NAALADL2: variants seen among roughly 807,000 people sequenced by gnomAD.
NAALADL2 encodes inactive N-acetylated-alpha-linked acidic dipeptidase-like protein 2.
NAALADL2 carries 76 observed loss-of-function variants against 87.2 expected under a neutral mutation model. The ratio of observed to expected loss-of-function variants is 0.87; its 90% CI spans 0.72 to 1.05. NAALADL2 has a LOEUF of 1.05. Among genes scored for constraint, NAALADL2 ranks in the 50% least tolerant of loss-of-function variants. The probability of loss-of-function intolerance (pLI) is 0.00; values close to 1 mark genes in which losing one functional copy is unlikely to be tolerated. For synonymous variants in NAALADL2, 354 were observed against 331.0 expected (o/e 1.07, Z -0.75); for missense variants, 1,089 against 945.8 (o/e 1.15, Z -1.99).
intron 1 of NAALADL2, among the ~76,000 whole-genome samples, chr3:174,941,419 T>A (rs914943055): frequency 6.6e-6 from 1 of 152,186 alleles, no homozygotes; most frequent in Non-Finnish European, 1.5e-5. Context: ...TATCAAATTA[T>A]GTGGCTGATT....
intron 1 of NAALADL2, among the ~76,000 whole-genome samples, chr3:175,076,927 C>T (rs1259963410): frequency 1.3e-5 from 2 of 152,024 alleles, no homozygotes; most frequent in African/African-American, 4.8e-5. Flanking sequence ...TATCAAAGTC[C>T]CATGATAATT....
rs543450705 is a variant in NAALADL2, at chr3:174,480,007, AC to A, written c.-184+38976del. On this transcript the variant is annotated intron_variant, in intron 1 of 3. Coordinates refer to the NAALADL2 transcript ENST00000434257. Reference sequence around the variant, plus strand: ...ATATGTGAGTTTTGAAAAGAAATTCACTCACTAATTAATTTTTGTAACAACA... The same window carrying A: ...ATATGTGAGTTTTGAAAAGAAATTCATCACTAATTAATTTTTGTAACAACA... Among the ~76,000 whole-genome samples the A allele has an allele frequency of 4.1e-3, 629 of 152,250 alleles. 2 individuals carry two copies. The highest frequency in any genetic ancestry group is 6.8e-3 in the Middle Eastern group (2 of 294).
In NAALADL2 at chr3:175,587,952, A is replaced by C. The variant is rs187392340; in HGVS notation, c.1800+11765A>C. ...ACCTGGGGAAGAGGACAACTCAATC[A>C]CTGGAAGCCAATATGGGGCCATTTG... On this transcript the variant is annotated intron_variant, in intron 10 of 13. Transcript: ENST00000454872. Among the ~76,000 whole-genome samples the C allele has an allele frequency of 2.0e-5, 3 of 152,236 alleles. No homozygotes were observed. In the East Asian group the frequency reaches 5.8e-4, roughly 29 times the overall value.
At chr3:174,817,578 G>C (rs1046745905) in intron 3 of NAALADL2, among the ~76,000 whole-genome samples, 3 of 152,152 alleles carry the variant, frequency 2.0e-5, no homozygotes, top group African/African-American at 7.2e-5. Flanking sequence ...CTTCAGCCTA[G>C]TTGTCAGAGG....
intron 11 of NAALADL2, among the ~76,000 whole-genome samples, chr3:175,648,114 G>GA (rs1332739690): frequency 6.6e-6 from 1 of 152,164 alleles, no homozygotes; most frequent in Non-Finnish European, 1.5e-5. Flanking sequence ...GTATGTTTCT[G>GA]AAAATAGTAC....
intron 2 of NAALADL2, among the ~76,000 whole-genome samples, chr3:174,679,061 G>A (rs532009815): frequency 2.0e-5 from 3 of 152,092 alleles, no homozygotes; most frequent in Non-Finnish European, 4.4e-5. Flanking sequence ...ACTTCATTGA[G>A]CTTCCCAAAC....
Position 174,867,728 on chromosome 3 carries a change from A to G in NAALADL2, c.43+8278A>G, listed in dbSNP as rs545843960. 2.0e-5 allele frequency among the ~76,000 whole-genome samples: 3 copies of G among 152,238 alleles called. No homozygotes were observed. In the East Asian group the frequency reaches 5.8e-4, roughly 29 times the overall value. On this transcript the variant is annotated intron_variant, in intron 1 of 13. Transcript: ENST00000454872. ...ACATGATCAGTACAAAACAAAATAAAACAAGAAGCTTTAAATAAAAGAACC... is the reference window on the plus strand; with the variant it reads ...ACATGATCAGTACAAAACAAAATAAGACAAGAAGCTTTAAATAAAAGAACC...
At chr3:175,170,463 AT>A (rs1372102999) in intron 2 of NAALADL2, among the ~76,000 whole-genome samples, 4 of 146,818 alleles carry the variant, frequency 2.7e-5, no homozygotes, top group Admixed American at 1.4e-4. Flanking sequence ...TAAATATAAT[AT>A]ATATAAATAT....
intron 6 of NAALADL2, among the ~76,000 whole-genome samples, chr3:175,460,918 T>C (rs1389029969): frequency 2.0e-5 from 3 of 152,170 alleles, no homozygotes; most frequent in East Asian, 1.9e-4. Context: ...CCCAAGCAGG[T>C]TGCTGCTCCT....
At chr3:174,835,984 G>A (rs73174768) in intron 3 of NAALADL2, among the ~76,000 whole-genome samples, 24,773 of 152,054 alleles carry the variant, frequency 0.16, 2,386 homozygotes, top group African/African-American at 0.26. Context: ...TGATCCAAAG[G>A]TTTTACTTCT....
intron 9 of NAALADL2, among the ~76,000 whole-genome samples, chr3:175,556,895 T>C (rs1715365697): frequency 6.6e-6 from 1 of 152,204 alleles, no homozygotes; most frequent in South Asian, 2.1e-4. Flanking sequence ...AAAGTCTTAC[T>C]GCTCTCTGCA....
intron 1 of NAALADL2, among the ~76,000 whole-genome samples, chr3:174,935,663 C>T (rs912128567): frequency 3.6e-4 from 55 of 152,072 alleles, no homozygotes; most frequent in African/African-American, 1.3e-3. Flanking sequence ...CAATTGTAAA[C>T]TTTTGGTATG....
At chr3:175,734,369 A>T (rs188256599) in intron 11 of NAALADL2, among the ~76,000 whole-genome samples, 2 of 151,836 alleles carry the variant, frequency 1.3e-5, no homozygotes, top group African/African-American at 2.4e-5. Flanking sequence ...CCTGACTAAC[A>T]TGGTGAAACC....
chr3:174,882,581 A>G (rs62284947), intron 1 of NAALADL2, among the ~76,000 whole-genome samples: 12 of 141,372 alleles, frequency 8.5e-5, no homozygotes, highest in South Asian at 4.2e-4. Flanking sequence ...ATGTGCTTAT[A>G]CACATATGTG....
chr3:174,495,958 A>C (rs574874296), intron 1 of NAALADL2, among the ~76,000 whole-genome samples: 1 of 152,292 alleles, frequency 6.6e-6, no homozygotes, highest in South Asian at 2.1e-4. Flanking sequence ...GCAGCAACCT[A>C]TGGATCTGTA....
rs546831226 is a variant in NAALADL2 at position 174,577,372 on chromosome 3, G to A, written c.-115+26735G>A. Among the ~76,000 whole-genome samples, 19 of 152,238 alleles carry A rather than the reference G, an allele frequency of 1.2e-4. No individual in the cohort carries two copies. In the East Asian group the frequency reaches 3.7e-3, roughly 29 times the overall value. ...TATATTGATTAACCTGCCAGCAGAT[G>A]TCAAATATAAATAAAAGCAAGTATT... On this transcript the variant is annotated intron_variant, in intron 2 of 3. Transcript: ENST00000434257.
intron 1 of NAALADL2, among the ~76,000 whole-genome samples, chr3:174,994,372 A>G (rs865825617): frequency 6.6e-6 from 1 of 152,218 alleles, no homozygotes; most frequent in African/African-American, 2.4e-5. Context: ...TTCACTTACT[A>G]TTCATGTCTC....
At chr3:175,741,213 G>C (rs1450395834) in intron 12 of NAALADL2, among the ~76,000 whole-genome samples, 2 of 152,266 alleles carry the variant, frequency 1.3e-5, no homozygotes, top group East Asian at 3.9e-4. Context: ...CAAGATCAAA[G>C]CATCAGCAGT....
At chr3:174,736,894 G>T (rs1733269052) in intron 2 of NAALADL2, among the ~76,000 whole-genome samples, 3 of 152,184 alleles carry the variant, frequency 2.0e-5, no homozygotes, top group Admixed American at 2.0e-4. Context: ...TCCTGTGCTT[G>T]TTGGTGCCCA....
Sources: gnomAD v4.1 joint callset for allele counts (sites outside exome capture counted in the v4.1 genomes callset) on GRCh38, gnomAD v4.1.1 for gene constraint, MANE v1.5 for transcripts, NCBI Gene and HGNC (gene_info 2026-07-23, HGNC 2026-07-21) for gene names.